Variants in PTGER3 observed in about 807,000 individuals in gnomAD.
PTGER3 encodes the protein prostaglandin E receptor 3.
PTGER3 carries 22 observed loss-of-function variants against 34.7 expected under a neutral mutation model. The ratio of observed to expected loss-of-function variants is 0.63; its 90% CI spans 0.45 to 0.91. The LOEUF (loss-of-function observed/expected upper bound fraction) is 0.91. Ranked by LOEUF, PTGER3 falls within the 40% of genes least tolerant of loss-of-function variation. The probability of loss-of-function intolerance (pLI) is 0.00; values close to 1 mark genes in which losing one functional copy is unlikely to be tolerated. For missense variants in PTGER3, 468 were observed against 519.4 expected (o/e 0.90, Z 0.96); for synonymous variants, 241 against 230.1 (o/e 1.05, Z -0.43).
At chr1:70,993,905 C>G (rs1432021707) in intron 2 of PTGER3, among the ~76,000 whole-genome samples, 1 of 152,158 alleles carries the variant, frequency 6.6e-6, no homozygotes, top group Non-Finnish European at 1.5e-5. Context: ...CTTCCTTGTG[C>G]CCCAAAAGGA....
chr1:70,881,049 T>C (rs1323349013), intron 4 of PTGER3, among the ~76,000 whole-genome samples: 1 of 152,232 alleles, frequency 6.6e-6, no homozygotes, highest in Non-Finnish European at 1.5e-5. Context: ...CAATGAATTA[T>C]AGATTTGGTC....
chr1:70,881,046 T>A (rs780631440), intron 4 of PTGER3, among the ~76,000 whole-genome samples: 3 of 152,232 alleles, frequency 2.0e-5, no homozygotes, highest in Admixed American at 6.5e-5. Context: ...TGCCAATGAA[T>A]TATAGATTTG....
chr1:70,874,113 A>AAAG, intron 4 of PTGER3, among the ~76,000 whole-genome samples: 1 of 152,262 alleles, frequency 6.6e-6, no homozygotes, highest in South Asian at 2.1e-4. Context: ...AACAAACAAA[A>AAAG]CTTTGTGTCT....
rs1440514390 is a variant in PTGER3 at position 71,047,401 on chromosome 1, C to A, written c.177G>T (p.Leu59=). ...GTGCGTTGCCCACGAAACCAGTGAG[C>A]AGCATGGTGATCGGGAAGGCCACGG... ...SVSVAFPITM[L]LTGFVGNALA... Residue 59 remains leucine (L), a synonymous_variant, in exon 1 of 4, where the codon CTG becomes CTT. Coordinates refer to ENST00000306666, the MANE Select transcript of PTGER3 (RefSeq NM_198719.2). 6.2e-7 allele frequency: 1 copy of A among 1,611,756 alleles called. No homozygotes were observed. The highest frequency in any genetic ancestry group is 1.7e-4 in the Middle Eastern group (1 of 6,056).
chr1:70,878,116 T>TG lies in PTGER3; in HGVS notation c.*24-25258dup, dbSNP rs374390710. Among the ~76,000 whole-genome samples, 169 of 152,264 alleles carry TG rather than the reference T, an allele frequency of 1.1e-3. 1 individual carries two copies. The highest frequency in any genetic ancestry group is 3.6e-3 in the African/African-American group (149 of 41,556). ...CGTCTGGTTCTGGGCTTCTTCTGGT[T>TG]GGTAGGCTTTTTATTACTGATTCAA... is the stretch of plus-strand genomic sequence containing the variant. On this transcript the variant is annotated intron_variant, in intron 4 of 4. Coordinates refer to the PTGER3 transcript ENST00000370931.
intron 2 of PTGER3, among the ~76,000 whole-genome samples, chr1:70,982,685 G>T (rs977024127): frequency 6.6e-6 from 1 of 151,998 alleles, no homozygotes; most frequent in Non-Finnish European, 1.5e-5. Context: ...CTCCATATTT[G>T]CAGAGCTAAA....
At chr1:71,037,016 C>T (rs1304048995) in intron 1 of PTGER3, among the ~76,000 whole-genome samples, 3 of 152,034 alleles carry the variant, frequency 2.0e-5, no homozygotes, top group African/African-American at 7.2e-5. Context: ...TGCAGCTGAG[C>T]ATTACAGCTG....
chr1:70,933,453 T>G (rs902377656), intron 4 of PTGER3, among the ~76,000 whole-genome samples: 3 of 152,232 alleles, frequency 2.0e-5, no homozygotes, highest in Admixed American at 2.0e-4. Flanking sequence ...AAGTAAGTTC[T>G]CCTTAATATT....
intron 2 of PTGER3, among the ~76,000 whole-genome samples, chr1:70,959,490 A>G (rs1651702240): frequency 6.6e-6 from 1 of 151,928 alleles, no homozygotes; most frequent in East Asian, 1.9e-4. Context: ...CTTTCCGAGT[A>G]GCTAGGATTA....
At chr1:71,012,125 C>G in intron 2 of PTGER3, 180 bp downstream of exon 2, 3 of 1,516,776 alleles carry the variant, frequency 2.0e-6, no homozygotes, top group Non-Finnish European at 2.6e-6. Context: ...AATGCATAAA[C>G]AGTGGCATGC....
intron 1 of PTGER3, among the ~76,000 whole-genome samples, chr1:71,029,531 T>A (rs1281446270): frequency 6.6e-6 from 1 of 152,214 alleles, no homozygotes; most frequent in African/African-American, 2.4e-5. Context: ...TAAGCATTTG[T>A]CTATTGTGGC....
chr1:71,041,785 T>A lies in PTGER3; in HGVS notation c.897+4896A>T, dbSNP rs1433264916. Among the ~76,000 whole-genome samples the A allele has an allele frequency of 5.9e-5, 9 of 152,296 alleles. No homozygotes were observed. In the East Asian group the frequency reaches 1.7e-3, roughly 29 times the overall value. ...TGTTGTGAGGCATGAATGAGATAAA[T>A]GTGGAACACTGGCAGGTTGCAAAAA... is the stretch of plus-strand genomic sequence containing the variant. On this transcript the variant is annotated intron_variant, in intron 1 of 3. Transcript: ENST00000306666.
rs985640789 is a variant in PTGER3 at position 70,971,406 on chromosome 1, G to T, written c.*324C>A. On this transcript the variant is annotated 3_prime_UTR_variant, in exon 4 of 4. Transcript: ENST00000306666. Reference sequence around the variant, plus strand: ...CCACTTTGGTTAAGATTCACGTAAAGGTTTGAAGTTGGAGAAAACTCCTGG... The same window carrying T: ...CCACTTTGGTTAAGATTCACGTAAATGTTTGAAGTTGGAGAAAACTCCTGG... 9.4e-6 allele frequency: 10 copies of T among 1,064,864 alleles called. No homozygotes were observed. The highest frequency in any genetic ancestry group is 1.1e-5 in the Non-Finnish European group (10 of 882,250). The allele number at this position is 1,064,864 out of a possible 1,614,324, so 66.0% of individuals were successfully genotyped here.
intron 4 of PTGER3, among the ~76,000 whole-genome samples, chr1:70,877,090 TG>T (rs1646288544): frequency 6.6e-6 from 1 of 152,358 alleles, no homozygotes; most frequent in South Asian, 2.1e-4. Flanking sequence ...TCCACAAGCA[TG>T]GAATGTTTTT....
chr1:70,886,840 G>T (rs573793232), intron 4 of PTGER3, among the ~76,000 whole-genome samples: 1 of 152,286 alleles, frequency 6.6e-6, no homozygotes, highest in Admixed American at 6.5e-5. Flanking sequence ...ACTTGCCAAG[G>T]TCATACTTTT....
At chr1:71,008,466 T>C in intron 2 of PTGER3, 1 of 904,852 alleles carries the variant, frequency 1.1e-6, no homozygotes, top group Non-Finnish European at 1.3e-6. Context: ...TCAAATAAAA[T>C]ATTTTCCCTA....
At chr1:70,906,391 G>A (rs760118314) in intron 4 of PTGER3, among the ~76,000 whole-genome samples, 12 of 152,146 alleles carry the variant, frequency 7.9e-5, no homozygotes, top group Non-Finnish European at 1.6e-4. Flanking sequence ...AAAAAGTCAT[G>A]GATGCCTACA....
intron 4 of PTGER3, among the ~76,000 whole-genome samples, chr1:70,940,037 C>G (rs1005525304): frequency 6.6e-6 from 1 of 152,158 alleles, no homozygotes; most frequent in African/African-American, 2.4e-5. Flanking sequence ...AACTGAATGG[C>G]TTTTAACAGT....
rs778314881 is a variant in PTGER3, at chr1:71,047,304, T to G, written c.274A>C (p.Ile92Leu). 6.2e-7 allele frequency: 1 copy of G among 1,604,648 alleles called. No homozygotes were observed. Among genetic ancestry groups the G allele is most frequent in the South Asian group, 1.1e-5 (1 of 89,300 alleles). Residue 92 changes from isoleucine to leucine, a missense_variant, in exon 1 of 4, where the codon ATC becomes CTC. Physicochemically the swap from Ile to Leu is conservative, Grantham distance 5 (BLOSUM62 2). Around this residue, in one of 5 missense-constraint regions of PTGER3, gnomAD observed 151 missense variants for 133.5 expected, o/e 1.13. Transcript: ENST00000306666. ...AGGTCGGTGAGCGCCAGCCAGCCGATGCACAGCAGGAAGGACTTCTTGCGC... is the reference window on the plus strand; with the variant it reads ...AGGTCGGTGAGCGCCAGCCAGCCGAGGCACAGCAGGAAGGACTTCTTGCGC... The part of the protein sequence containing the change: ...SKRKKSFLLC[I>L]GWLALTDLVG...
Sources: allele counts gnomAD v4.1 joint callset (sites outside exome capture counted in the v4.1 genomes callset), GRCh38; gene constraint gnomAD v4.1.1; regional missense constraint gnomAD v4.1.1; transcripts MANE v1.5; gene names NCBI Gene and HGNC (gene_info 2026-07-23, HGNC 2026-07-21).